ADAMTS19: variants seen among roughly 807,000 people sequenced by gnomAD.
ADAMTS19 encodes the protein ADAM metallopeptidase with thrombospondin type 1 motif 19.
ADAMTS19 carries 93 observed loss-of-function variants against 153.3 expected under a neutral mutation model. The ratio of observed to expected loss-of-function variants is 0.61; its 90% confidence interval spans 0.51 to 0.72. ADAMTS19 has a LOEUF of 0.72. ADAMTS19 is among the 30% of genes least tolerant of loss of function. The probability of loss-of-function intolerance (pLI) is 0.00; values close to 1 mark genes in which losing one functional copy is unlikely to be tolerated. For missense variants in ADAMTS19, 1,482 were observed against 1,552.1 expected (o/e 0.95, Z 0.76); for synonymous variants, 600 against 556.6 (o/e 1.08, Z -1.10).
chr5:129,603,457 A>G (rs547764410), intron 8 of ADAMTS19, among the ~76,000 whole-genome samples: 70 of 152,322 alleles, frequency 4.6e-4, no homozygotes, highest in African/African-American at 1.7e-3. Flanking sequence ...ATATTTTTAT[A>G]TACACACATA....
At position 129,737,074 on chromosome 5, in the gene ADAMTS19, G is replaced by T; in HGVS notation, c.3498G>T (p.Leu1166=). ...NTITSPRLAA[L]TFKCLGDQWP... ...CTATGTTCTGTTTCACAGCTGCTCTGACTTTCAAGTGCCTGGGAGATCAGT... is the reference window on the plus strand; with the variant it reads ...CTATGTTCTGTTTCACAGCTGCTCTTACTTTCAAGTGCCTGGGAGATCAGT... The change falls in exon 23 of 23, where the codon CTG becomes CTT. Residue 1166 remains leucine (L), a synonymous_variant. Coordinates refer to ENST00000274487, the MANE Select transcript of ADAMTS19 (RefSeq NM_133638.6). The T allele has an allele frequency of 1.3e-6, 2 of 1,589,308 alleles. No homozygotes were observed. The highest frequency in any genetic ancestry group is 2.3e-5 in the South Asian group (2 of 87,958).
At chr5:129,513,699 G>A (rs1156807326) in intron 3 of ADAMTS19, among the ~76,000 whole-genome samples, 1 of 151,852 alleles carries the variant, frequency 6.6e-6, no homozygotes, top group Non-Finnish European at 1.5e-5. Context: ...CACATGAAAT[G>A]TCTTCATATA....
At position 129,701,512 on chromosome 5, in the gene ADAMTS19, A is replaced by G; in HGVS notation, c.3079A>G (p.Ile1027Val). The change falls in exon 20 of 23, where the codon ATT becomes GTT. Residue 1027 changes from isoleucine (I) to valine (V), a missense_variant. By Grantham distance (29) the Ile-to-Val change is conservative (BLOSUM62 3). Transcript: ENST00000274487. ...TLIRARERDC[I>V]GPKPASAQRC... ...GATTAGAGCCCGAGAGAGGGACTGC[A>G]TTGGGCCCAAGCCCGCCTCTGCCCA... The G allele has an allele frequency of 1.2e-6, 2 of 1,614,142 alleles. No individual in the cohort carries two copies. The highest frequency in any genetic ancestry group is 8.5e-7 in the Non-Finnish European group (1 of 1,180,028).
intron 6 of ADAMTS19, among the ~76,000 whole-genome samples, chr5:129,529,362 T>C (rs1445764975): frequency 6.6e-6 from 1 of 152,130 alleles, no homozygotes; most frequent in African/African-American, 2.4e-5. Flanking sequence ...TTACACATGA[T>C]TTTCTGAAAT....
At chr5:129,715,300 A>AG (rs1463930521) in intron 21 of ADAMTS19, among the ~76,000 whole-genome samples, 1 of 152,182 alleles carries the variant, frequency 6.6e-6, no homozygotes, top group African/African-American at 2.4e-5. Context: ...TATACTATTG[A>AG]GAATGATTGA....
At chr5:129,463,063 T>C (rs1749740112) in intron 2 of ADAMTS19, among the ~76,000 whole-genome samples, 1 of 152,198 alleles carries the variant, frequency 6.6e-6, no homozygotes, top group Admixed American at 6.5e-5. Flanking sequence ...AAAATTGGCA[T>C]GGAAAAATTA....
At chr5:129,500,207 G>A (rs967708105) in intron 2 of ADAMTS19, among the ~76,000 whole-genome samples, 7 of 152,104 alleles carry the variant, frequency 4.6e-5, no homozygotes, top group African/African-American at 1.7e-4. Flanking sequence ...GTGAAAAAGG[G>A]AGAATGAAGT....
At chr5:129,618,897 AT>A (rs1284519446) in intron 8 of ADAMTS19, among the ~76,000 whole-genome samples, 2 of 151,882 alleles carry the variant, frequency 1.3e-5, no homozygotes, top group Non-Finnish European at 2.9e-5. Context: ...AGACTATATA[AT>A]TTTTTTTCTA....
At chr5:129,730,224 A>T (rs930434185) in intron 21 of ADAMTS19, among the ~76,000 whole-genome samples, 8 of 152,236 alleles carry the variant, frequency 5.3e-5, no homozygotes, top group Admixed American at 3.9e-4. Context: ...ATAGCTGGAA[A>T]TTATAATAAA....
intron 16 of ADAMTS19, among the ~76,000 whole-genome samples, chr5:129,669,031 A>G (rs1035618674): frequency 4.6e-5 from 7 of 152,038 alleles, no homozygotes; most frequent in African/African-American, 1.7e-4. Flanking sequence ...ATCCTGGCAT[A>G]AAGACAGACA....
intron 7 of ADAMTS19, among the ~76,000 whole-genome samples, chr5:129,558,696 TGAA>T (rs1753398504): frequency 6.6e-6 from 1 of 152,032 alleles, no homozygotes. Context: ...AAGGTACTGT[TGAA>T]GAAAGAATAT....
At chr5:129,542,331 A>G (rs1752684286) in intron 6 of ADAMTS19, among the ~76,000 whole-genome samples, 1 of 152,158 alleles carries the variant, frequency 6.6e-6, no homozygotes, top group Admixed American at 6.6e-5. Flanking sequence ...TGATGACTAG[A>G]ATACACTGAA....
intron 8 of ADAMTS19, among the ~76,000 whole-genome samples, chr5:129,598,915 AC>A (rs1236582979): frequency 1.3e-5 from 2 of 152,126 alleles, no homozygotes. Flanking sequence ...AAATTTAGCA[AC>A]CTGCAAACAC....
chr5:129,525,398 G>C (rs1581038458), intron 3 of ADAMTS19, among the ~76,000 whole-genome samples: 1 of 152,172 alleles, frequency 6.6e-6, no homozygotes, highest in Middle Eastern at 3.4e-3. Context: ...TTTGCCTGAA[G>C]ACCAGTGAGG....
At chr5:129,582,993 T>A (rs1024356184) in intron 7 of ADAMTS19, among the ~76,000 whole-genome samples, 9 of 152,186 alleles carry the variant, frequency 5.9e-5, no homozygotes, top group Non-Finnish European at 1.3e-4. Flanking sequence ...TGATGCAGTT[T>A]CTTCATAGTG....
At chr5:129,690,130 T>C (rs1429595017) in intron 18 of ADAMTS19, among the ~76,000 whole-genome samples, 1 of 152,016 alleles carries the variant, frequency 6.6e-6, no homozygotes, top group Non-Finnish European at 1.5e-5. Flanking sequence ...CCACTATTGC[T>C]AGGTGGTCCA....
chr5:129,737,315 A>G lies in ADAMTS19; in HGVS notation c.*97A>G. On this transcript the variant is annotated 3_prime_UTR_variant, in exon 23 of 23. Coordinates refer to ENST00000274487, the MANE Select transcript of ADAMTS19 (RefSeq NM_133638.6). The stretch of plus-strand genomic sequence containing the variant: ...TTCAGACCAAATATTATCAGATTAC[A>G]TATAATTTAATCAAATTAATTTATT... The G allele has an allele frequency of 1.7e-6, 2 of 1,193,834 alleles. No homozygotes were observed. The highest frequency in any genetic ancestry group is 2.2e-6 in the Non-Finnish European group (2 of 914,520). 74.0% of individuals were successfully genotyped at this position (1,193,834 alleles called of 1,614,324 possible).
rs781609362 is a variant in ADAMTS19 at position 129,679,748 on chromosome 5, T to G, written c.2507-16T>G. On this transcript the variant is annotated splice_polypyrimidine_tract_variant and intron_variant, in intron 16 of 22. Transcript: ENST00000274487. ...TGACTTGTTAATACTCATTATATTT[T>G]TGAACCTCTTTATAGCTCTCCGAGA... The G allele has an allele frequency of 1.3e-6, 2 of 1,574,416 alleles. No individual in the cohort carries two copies. The highest frequency in any genetic ancestry group is 2.3e-5 in the South Asian group (2 of 85,108).
At chr5:129,505,437 T>C (rs1183098807) in intron 2 of ADAMTS19, among the ~76,000 whole-genome samples, 2 of 152,162 alleles carry the variant, frequency 1.3e-5, no homozygotes, top group Non-Finnish European at 1.5e-5. Flanking sequence ...TAATAGCCCA[T>C]AGTTAACTTG....
Sources: allele counts gnomAD v4.1 joint callset (sites outside exome capture counted in the v4.1 genomes callset), GRCh38; gene constraint gnomAD v4.1.1; transcripts MANE v1.5; gene names NCBI Gene and HGNC (gene_info 2026-07-23, HGNC 2026-07-21).